SLX4IP: variants seen among roughly 807,000 people sequenced by gnomAD.
SLX4IP encodes the protein protein SLX4IP.
In SLX4IP, 34 loss-of-function variants were observed where a neutral mutation model predicts 32.9. The ratio of observed to expected loss-of-function variants is 1.03; its 90% CI spans 0.79 to 1.38. SLX4IP has a LOEUF of 1.38. Ranked by LOEUF, SLX4IP falls within the 40% of genes most tolerant of loss-of-function variation. The pLI, the probability that SLX4IP is intolerant of heterozygous loss-of-function variation, is 0.00. For synonymous variants in SLX4IP, 172 were observed against 171.7 expected, an observed-to-expected ratio of 1.00 and a Z score of -0.01; for missense variants, 444 against 479.0, an observed-to-expected ratio of 0.93 and a Z score of 0.68.
At chr20:10,539,836 C>T (rs571898202) in intron 2 of SLX4IP, among the ~76,000 whole-genome samples, 102 of 152,112 alleles carry the variant, frequency 6.7e-4, no homozygotes, top group Non-Finnish European at 1.4e-3. Flanking sequence ...ATTTCATTGG[C>T]GTAGAATTTG....
At chr20:10,538,369 A>T (rs1387982801) in intron 2 of SLX4IP, among the ~76,000 whole-genome samples, 1 of 152,146 alleles carries the variant, frequency 6.6e-6, no homozygotes, top group Non-Finnish European at 1.5e-5. Context: ...TGTGCAGTAT[A>T]GGGTGTTCAG....
At chr20:10,441,139 A>T (rs2065156836) in intron 1 of SLX4IP, among the ~76,000 whole-genome samples, 1 of 152,290 alleles carries the variant, frequency 6.6e-6, no homozygotes, top group Non-Finnish European at 1.5e-5. Flanking sequence ...GGTATTAAAT[A>T]AAAACTAGAT....
intron 2 of SLX4IP, among the ~76,000 whole-genome samples, chr20:10,544,499 C>T (rs773889318): frequency 2.9e-4 from 44 of 152,178 alleles, no homozygotes; most frequent in Non-Finnish European, 1.2e-4. Flanking sequence ...GATTCTCCCA[C>T]CTCAGCCTCC....
intron 1 of SLX4IP, among the ~76,000 whole-genome samples, chr20:10,446,598 G>A (rs944558980): frequency 2.0e-5 from 3 of 152,042 alleles, no homozygotes; most frequent in African/African-American, 2.4e-5. Flanking sequence ...AGTGATATAT[G>A]AGAGATCTAT....
At chr20:10,443,134 T>C (rs768795175) in intron 1 of SLX4IP, among the ~76,000 whole-genome samples, 5 of 152,086 alleles carry the variant, frequency 3.3e-5, no homozygotes, top group Non-Finnish European at 5.9e-5. Flanking sequence ...AGGTCCAGAG[T>C]GCTTGACCTC....
At chr20:10,540,164 C>CTTCCTTCCTTCTCTCT (rs2066091061) in intron 2 of SLX4IP, among the ~76,000 whole-genome samples, 1 of 142,496 alleles carries the variant, frequency 7.0e-6, no homozygotes, top group African/African-American at 2.6e-5. Flanking sequence ...TCCTTCTCTC[C>CTTCCTTCCTTCTCTCT]TTCCTTCCTT....
intron 2 of SLX4IP, among the ~76,000 whole-genome samples, chr20:10,508,802 G>T (rs558898460): frequency 1.3e-5 from 2 of 152,228 alleles, no homozygotes; most frequent in African/African-American, 4.8e-5. Flanking sequence ...AGTTCCATCC[G>T]CTGGGGCCTG....
intron 2 of SLX4IP, among the ~76,000 whole-genome samples, chr20:10,510,683 C>T (rs1260123568): frequency 6.6e-6 from 1 of 151,692 alleles, no homozygotes; most frequent in Non-Finnish European, 1.5e-5. Flanking sequence ...CGGCTCACTG[C>T]AACCTCCACC....
chr20:10,623,211 C>G lies in SLX4IP; in HGVS notation c.1059C>G (p.Thr353=). 1 of 1,614,160 alleles carries G rather than the reference C, an allele frequency of 6.2e-7. No individual in the cohort carries two copies. ...GLLLKQDLAK[T]TSKEELHVLE... ...TTTTGAAACAAGATTTGGCAAAAAC[C>G]ACGTCTAAGGAAGAGTTGCATGTTT... The change falls in exon 8 of 8, where the codon ACC becomes ACG. Residue 353 remains threonine, a synonymous_variant. Transcript: ENST00000334534.
rs1049455934 is a variant in SLX4IP, at chr20:10,562,741, A to AT, written c.238+1928dup. ...ATGACAGATTTTATTTTATTTATTT[A>AT]TTTTTTTGTATATATTGCTGAATAG... On this transcript the variant is annotated intron_variant, in intron 4 of 7. Coordinates refer to ENST00000334534, the MANE Select transcript of SLX4IP (RefSeq NM_001009608.3). Among the ~76,000 whole-genome samples the AT allele has an allele frequency of 5.9e-5, 9 of 151,826 alleles. 1 individual carries two copies. The highest frequency in any genetic ancestry group is 1.5e-4 in the African/African-American group (6 of 41,336).
chr20:10,592,824 G>T (rs1312725313), intron 4 of SLX4IP, among the ~76,000 whole-genome samples: 3 of 151,784 alleles, frequency 2.0e-5, no homozygotes, highest in Non-Finnish European at 4.4e-5. Flanking sequence ...AGTAGAGACA[G>T]GGTTTCACCA....
chr20:10,510,624 G>C, intron 2 of SLX4IP, among the ~76,000 whole-genome samples: 1 of 126,586 alleles, frequency 7.9e-6, no homozygotes, highest in Non-Finnish European at 1.7e-5. Context: ...TTTTTTTTTT[G>C]AGATGCAGTC....
chr20:10,540,379 G>A (rs2066094041), intron 2 of SLX4IP, among the ~76,000 whole-genome samples: 1 of 152,120 alleles, frequency 6.6e-6, no homozygotes, highest in Non-Finnish European at 1.5e-5. Context: ...TCAAGGGTGT[G>A]TAATAGTGGA....
At chr20:10,443,116 G>C (rs745389179) in intron 1 of SLX4IP, among the ~76,000 whole-genome samples, 1 of 152,012 alleles carries the variant, frequency 6.6e-6, no homozygotes, top group Non-Finnish European at 1.5e-5. Flanking sequence ...TTATTTATTT[G>C]GTGAAATAGG....
At chr20:10,536,993 T>C (rs1244260765) in intron 2 of SLX4IP, among the ~76,000 whole-genome samples, 2 of 152,220 alleles carry the variant, frequency 1.3e-5, no homozygotes, top group Non-Finnish European at 2.9e-5. Context: ...ATTTGCATCA[T>C]TGATAATGGC....
At chr20:10,468,962 C>A (rs2065402172) in intron 2 of SLX4IP, among the ~76,000 whole-genome samples, 1 of 152,082 alleles carries the variant, frequency 6.6e-6, no homozygotes, top group South Asian at 2.1e-4. Flanking sequence ...CTTTTGGCTT[C>A]CCTGGGCCAC....
At chr20:10,583,361 A>T (rs2066606596) in intron 4 of SLX4IP, among the ~76,000 whole-genome samples, 1 of 152,192 alleles carries the variant, frequency 6.6e-6, no homozygotes, top group African/African-American at 2.4e-5. Flanking sequence ...TGTTCTATTC[A>T]GGGTCTGAAC....
At chr20:10,562,772 C>T (rs1476005856) in intron 4 of SLX4IP, among the ~76,000 whole-genome samples, 3 of 152,046 alleles carry the variant, frequency 2.0e-5, no homozygotes, top group African/African-American at 7.2e-5. Flanking sequence ...AATAGTATTC[C>T]ATTGTGTATA....
chr20:10,505,674 G>T (rs1347019093), intron 2 of SLX4IP, among the ~76,000 whole-genome samples: 4 of 152,158 alleles, frequency 2.6e-5, no homozygotes, highest in Admixed American at 6.5e-5. Context: ...GCATATTTCT[G>T]TGTGATCTTG....
Sources: allele counts gnomAD v4.1 joint callset (sites outside exome capture counted in the v4.1 genomes callset), GRCh38; gene constraint gnomAD v4.1.1; transcripts MANE v1.5; gene names NCBI Gene and HGNC (gene_info 2026-07-23, HGNC 2026-07-21).